RIOK1: variants seen among roughly 807,000 people sequenced by gnomAD.
RIOK1 encodes the protein serine/threonine-protein kinase RIO1.
In RIOK1, 66 loss-of-function variants were observed where a neutral mutation model predicts 73.5. The observed-to-expected ratio is 0.90, with a 90% CI of 0.74 to 1.10. RIOK1 has a LOEUF of 1.10. Ranked by LOEUF, RIOK1 falls within the 50% of genes least tolerant of loss-of-function variation. The pLI is 0.00. For missense variants in RIOK1, 658 were observed against 699.8 expected (o/e 0.94, Z 0.67); for synonymous variants, 224 against 226.8 (o/e 0.99, Z 0.11).
chr6:7,404,590 A>C, intron 10 of RIOK1, 35 bp downstream of exon 10: 1 of 1,604,322 alleles, frequency 6.2e-7, no homozygotes, highest in Non-Finnish European at 8.5e-7. Context: ...ACTGCCTGTC[A>C]GTTGTTTCGT....
At chr6:7,413,048 T>C in intron 15 of RIOK1, 106 bp downstream of exon 15, 1 of 548,180 alleles carries the variant, frequency 1.8e-6, no homozygotes. Flanking sequence ...TAGAACTAAA[T>C]GTTATTTTAT....
chr6:7,395,342 T>A (rs1214377115), intron 3 of RIOK1, among the ~76,000 whole-genome samples, 199 bp downstream of exon 3: 1 of 152,016 alleles, frequency 6.6e-6, no homozygotes, highest in Non-Finnish European at 1.5e-5. Context: ...AGTGAAACCC[T>A]ATCTCTACTA....
intron 16 of RIOK1, among the ~76,000 whole-genome samples, chr6:7,415,558 G>A (rs997447458): frequency 1.3e-5 from 2 of 152,186 alleles, no homozygotes; most frequent in Non-Finnish European, 2.9e-5. Context: ...TAACTGCTTA[G>A]TTAAGATGGA....
intron 3 of RIOK1, among the ~76,000 whole-genome samples, chr6:7,395,806 T>C (rs1412563909): frequency 6.6e-6 from 1 of 151,436 alleles, no homozygotes; most frequent in Non-Finnish European, 1.5e-5. Flanking sequence ...ATTTCTGGGG[T>C]TCAGACGATC....
At chr6:7,417,214 G>A in intron 16 of RIOK1, 117 bp from the exon 17 acceptor site, 1 of 571,892 alleles carries the variant, frequency 1.7e-6, no homozygotes, top group Non-Finnish European at 3.0e-6. Context: ...TCACGCCACT[G>A]ACTCCAGCCT....
chr6:7,404,468 A>C lies in RIOK1; in HGVS notation c.905A>C (p.Glu302Ala). Residue 302 changes from glutamate to alanine, a missense_variant, in exon 10 of 17, where the codon GAG becomes GCG. Transcript: ENST00000379834. ...NVQLSESKARELYLQVIQYMR... is the reference protein window; with the variant it reads ...NVQLSESKARALYLQVIQYMR... ...CAGTTATCAGAATCCAAGGCTCGGGAGTTGTACCTGCAGGTCATTCAGTAC... is the reference window on the plus strand; with the variant it reads ...CAGTTATCAGAATCCAAGGCTCGGGCGTTGTACCTGCAGGTCATTCAGTAC... The C allele has an allele frequency of 6.2e-7, 1 of 1,614,172 alleles. No individual in the cohort carries two copies. The highest frequency in any genetic ancestry group is 1.1e-5 in the South Asian group (1 of 91,090).
chr6:7,392,843 G>A, intron 1 of RIOK1: 5 of 769,900 alleles, frequency 6.5e-6, no homozygotes, highest in Non-Finnish European at 6.3e-6. Flanking sequence ...CTTTAACAAG[G>A]CAGAAGCAGA....
intron 16 of RIOK1, among the ~76,000 whole-genome samples, chr6:7,415,343 C>G (rs1405504896): frequency 1.3e-5 from 2 of 152,058 alleles, no homozygotes; most frequent in Non-Finnish European, 2.9e-5. Context: ...GTTTGAGGTT[C>G]TAGTGAGCTG....
At chr6:7,408,257 G>A (rs909493722) in intron 12 of RIOK1, among the ~76,000 whole-genome samples, 1 of 152,104 alleles carries the variant, frequency 6.6e-6, no homozygotes, top group African/African-American at 2.4e-5. Flanking sequence ...GGCAAGTCTC[G>A]AACTCCTGAC....
At position 7,404,333 on chromosome 6, in the gene RIOK1, T is replaced by TCTAC. The variant is rs891822124; in HGVS notation, c.855-85_855-84insCTAC. On this transcript the variant is annotated intron_variant, in intron 9 of 16. Transcript: ENST00000379834. ...CCCACATACAGCTCACATGATGAGT[T>TCTAC]GTAGAAGAGAAGGGCATGTAACAGT... 5.4e-5 allele frequency: 79 copies of TCTAC among 1,463,764 alleles called. No individual in the cohort carries two copies. The African/African-American group carries it at 9.9e-4, about 18-fold the overall frequency. 90.7% of individuals were successfully genotyped at this position (1,463,764 alleles called of 1,614,324 possible).
chr6:7,392,964 C>T lies in RIOK1; in HGVS notation c.72-135C>T, dbSNP rs191577330. 6.4e-5 allele frequency: 84 copies of T among 1,322,300 alleles called. 1 individual carries two copies. The South Asian group carries it at 6.4e-4, about 10-fold the overall frequency. The allele number at this position is 1,322,300 out of a possible 1,614,324, so 81.9% of individuals were successfully genotyped here. On this transcript the variant is annotated intron_variant, in intron 1 of 16. Coordinates refer to ENST00000379834, the MANE Select transcript of RIOK1 (RefSeq NM_031480.3). ...ATGGTTTTAAGGAGATGGAGCTTAT[C>T]GGAAGGTGTATTTTATATAAATATA...
At chr6:7,404,097 T>C in intron 9 of RIOK1, 70 bp downstream of exon 9, 2 of 1,012,862 alleles carry the variant, frequency 2.0e-6, no homozygotes, top group East Asian at 2.4e-5. Flanking sequence ...GTTTATCCAC[T>C]ATATGAATAT....
At chr6:7,410,563 A>G (rs1761861593) in intron 13 of RIOK1, 112 bp downstream of exon 13, 1 of 666,492 alleles carries the variant, frequency 1.5e-6, no homozygotes, top group Non-Finnish European at 2.6e-6. Context: ...GCTTTTTCAA[A>G]TGATGGTAAT....
intron 2 of RIOK1, 139 bp downstream of exon 2, chr6:7,393,442 G>A (rs1761393280): frequency 1.4e-5 from 9 of 664,220 alleles, no homozygotes; most frequent in Non-Finnish European, 2.1e-5. Context: ...AGCCTTTACT[G>A]ATTTTCACTT....
intron 15 of RIOK1, among the ~76,000 whole-genome samples, chr6:7,413,358 A>G (rs188716608): frequency 6.6e-6 from 1 of 152,334 alleles, no homozygotes; most frequent in Non-Finnish European, 1.5e-5. Flanking sequence ...GAGTTCAGCA[A>G]GTCCTGCTGT....
chr6:7,392,403 A>G (rs549335000), intron 1 of RIOK1, among the ~76,000 whole-genome samples: 1 of 152,166 alleles, frequency 6.6e-6, no homozygotes, highest in South Asian at 2.1e-4. Flanking sequence ...AACAGGGATG[A>G]TTTGGATTTC....
chr6:7,409,469 G>C (rs35928169), intron 12 of RIOK1, among the ~76,000 whole-genome samples: 66,452 of 151,148 alleles, frequency 0.44, 16,931 homozygotes, highest in Middle Eastern at 0.59. Flanking sequence ...GACTAGGCTG[G>C]TCTGGAACTC....
intron 12 of RIOK1, among the ~76,000 whole-genome samples, chr6:7,407,395 T>C (rs965588796): frequency 6.6e-6 from 1 of 152,202 alleles, no homozygotes; most frequent in Non-Finnish European, 1.5e-5. Flanking sequence ...TATGTTATTA[T>C]GGTTTTGGTT....
At position 7,411,416 on chromosome 6, in the gene RIOK1, G is replaced by A; in HGVS notation, c.1354G>A (p.Glu452Lys). Reference sequence around the variant, plus strand: ...TATGGACATAATTATGAAATTGAAGGAAGAGGACATGGCCATGAATGCCCA... The same window carrying A: ...TATGGACATAATTATGAAATTGAAGAAAGAGGACATGGCCATGAATGCCCA... ...RDMDIIMKLK[E>K]EDMAMNAQQD... The change falls in exon 14 of 17, where the codon GAA becomes AAA. Residue 452 changes from glutamate to lysine, a missense_variant. Glu to Lys is a moderately conservative substitution (Grantham distance 56). Coordinates refer to ENST00000379834, the MANE Select transcript of RIOK1 (RefSeq NM_031480.3). The A allele has an allele frequency of 6.2e-7, 1 of 1,613,912 alleles. No individual in the cohort carries two copies. The highest frequency in any genetic ancestry group is 8.5e-7 in the Non-Finnish European group (1 of 1,179,842).
Sources: gnomAD v4.1 joint callset for allele counts (sites outside exome capture counted in the v4.1 genomes callset) on GRCh38, gnomAD v4.1.1 for gene constraint, MANE v1.5 for transcripts, NCBI Gene and HGNC (gene_info 2026-07-23, HGNC 2026-07-21) for gene names.